The following PPARGC1A variants were observed in gnomAD, a reference collection of about 807,000 sequenced individuals.
PPARGC1A encodes the protein PPARG coactivator 1 alpha.
Under a neutral mutation model 88.7 loss-of-function variants are expected in PPARGC1A, and 25 were observed. The observed-to-expected ratio is 0.28, with a 90% CI of 0.21 to 0.39. The LOEUF is 0.39. Among genes scored for constraint, PPARGC1A ranks in the 10% least tolerant of loss-of-function variants. PPARGC1A has a pLI of 1.00. For missense variants in PPARGC1A, 880 were observed against 968.7 expected (o/e 0.91, Z 1.22); for synonymous variants, 363 against 355.6 (o/e 1.02, Z -0.24).
chr4:24,042,407 A>C, the PPARGC1A span, among the ~76,000 whole-genome samples: 5 of 152,242 alleles, frequency 3.3e-5, no homozygotes, highest in African/African-American at 4.8e-5. Context: ...TAGATGAAAG[A>C]AAGCAAGCAA....
intron 2 of PPARGC1A, among the ~76,000 whole-genome samples, chr4:23,868,582 TGA>T (rs1408105420): frequency 6.6e-6 from 1 of 152,180 alleles, no homozygotes; most frequent in African/African-American, 2.4e-5. Flanking sequence ...TAATGCACCT[TGA>T]GAGATTTAGC....
chr4:24,221,586 G>A, the PPARGC1A span, among the ~76,000 whole-genome samples: 1 of 152,124 alleles, frequency 6.6e-6, no homozygotes, highest in Non-Finnish European at 1.5e-5. Context: ...ATTTGCATAT[G>A]CATCATAGTA....
the PPARGC1A span, among the ~76,000 whole-genome samples, chr4:24,090,708 CTAAT>C: frequency 6.6e-6 from 1 of 152,120 alleles, no homozygotes; most frequent in African/African-American, 2.4e-5. Context: ...ATATTGTTGT[CTAAT>C]TAAATGGCAA....
At chr4:24,013,880 C>G in the PPARGC1A span, among the ~76,000 whole-genome samples, 7 of 152,166 alleles carry the variant, frequency 4.6e-5, no homozygotes, top group East Asian at 1.4e-3. Context: ...ACCAAGTTTC[C>G]CTCATCAACA....
chr4:24,214,257 A>G, the PPARGC1A span, among the ~76,000 whole-genome samples: 1 of 152,184 alleles, frequency 6.6e-6, no homozygotes, highest in Non-Finnish European at 1.5e-5. Flanking sequence ...TAAGCACTTT[A>G]TTGGGAATAT....
the PPARGC1A span, among the ~76,000 whole-genome samples, chr4:24,146,352 C>T: frequency 6.6e-6 from 1 of 152,222 alleles, no homozygotes; most frequent in Admixed American, 6.5e-5. Flanking sequence ...GCAGCACTGG[C>T]ATGCACATTT....
the PPARGC1A span, among the ~76,000 whole-genome samples, chr4:24,309,808 G>A: frequency 1.3e-5 from 2 of 152,320 alleles, no homozygotes; most frequent in African/African-American, 2.4e-5. Context: ...GTTTGAAGGC[G>A]AGATGGGATA....
At chr4:24,034,455 T>C in the PPARGC1A span, among the ~76,000 whole-genome samples, 14 of 152,238 alleles carry the variant, frequency 9.2e-5, no homozygotes, top group Non-Finnish European at 1.6e-4. Context: ...GTTAAACTTT[T>C]CGATGTGATA....
chr4:24,163,177 T>C, the PPARGC1A span, among the ~76,000 whole-genome samples: 1 of 149,056 alleles, frequency 6.7e-6, no homozygotes, highest in East Asian at 2.0e-4. Flanking sequence ...GCAATGCCAT[T>C]TGTGTGTGTT....
At chr4:24,151,015 C>T in the PPARGC1A span, among the ~76,000 whole-genome samples, 3 of 152,208 alleles carry the variant, frequency 2.0e-5, no homozygotes, top group Non-Finnish European at 4.4e-5. Context: ...GGGATCTTCT[C>T]CATGTTTTAA....
chr4:24,031,639 A>G, the PPARGC1A span, among the ~76,000 whole-genome samples: 1 of 152,100 alleles, frequency 6.6e-6, no homozygotes, highest in Non-Finnish European at 1.5e-5. Context: ...TGTCCTACAC[A>G]TTGTTCGATG....
the PPARGC1A span, among the ~76,000 whole-genome samples, chr4:24,067,906 TC>T: frequency 6.6e-6 from 1 of 152,190 alleles, no homozygotes; most frequent in Non-Finnish European, 1.5e-5. Context: ...TCTGCCAGTG[TC>T]CTGAATCACC....
the PPARGC1A span, among the ~76,000 whole-genome samples, chr4:24,163,122 A>G: frequency 6.7e-6 from 1 of 150,246 alleles, no homozygotes; most frequent in Non-Finnish European, 1.5e-5. Context: ...TCTCAAAAAT[A>G]CAGGATCTGA....
chr4:24,202,332 C>T, the PPARGC1A span, among the ~76,000 whole-genome samples: 533 of 152,256 alleles, frequency 3.5e-3, 2 homozygotes, highest in Non-Finnish European at 4.7e-3. Flanking sequence ...TAGCCTGCCT[C>T]GGGGCCCAAA....
chr4:24,114,291 A>T, the PPARGC1A span, among the ~76,000 whole-genome samples: 1 of 152,330 alleles, frequency 6.6e-6, no homozygotes, highest in African/African-American at 2.4e-5. Flanking sequence ...AGCGGAAACT[A>T]TATTTCTAAC....
chr4:24,161,959 TATACACACACAC>T, the PPARGC1A span, among the ~76,000 whole-genome samples: 507 of 118,826 alleles, frequency 4.3e-3, 4 homozygotes, highest in African/African-American at 9.8e-3. Flanking sequence ...GAAATTGTGA[TATACACACACAC>T]ACACACACAC....
the PPARGC1A span, among the ~76,000 whole-genome samples, chr4:24,137,494 C>T: frequency 6.6e-6 from 1 of 152,146 alleles, no homozygotes; most frequent in African/African-American, 2.4e-5. Flanking sequence ...TGCTAGTTCC[C>T]ATTCCACTCT....
the PPARGC1A span, among the ~76,000 whole-genome samples, chr4:24,126,122 C>A: frequency 6.6e-6 from 1 of 152,126 alleles, no homozygotes; most frequent in African/African-American, 2.4e-5. Context: ...TTGTAAGTAG[C>A]AGAATCAGAT....
the PPARGC1A span, among the ~76,000 whole-genome samples, chr4:24,041,035 G>A: frequency 6.6e-6 from 1 of 152,164 alleles, no homozygotes; most frequent in Admixed American, 6.5e-5. Flanking sequence ...AGTTCATCTT[G>A]GCAGTGGGAG....
Sources: gnomAD v4.1 joint callset for allele counts (sites outside exome capture counted in the v4.1 genomes callset) on GRCh38, gnomAD v4.1.1 for gene constraint, MANE v1.5 for transcripts, NCBI Gene and HGNC (gene_info 2026-07-23, HGNC 2026-07-21) for gene names.